VPS8: variants seen among roughly 807,000 people sequenced by gnomAD.
VPS8 encodes vacuolar protein sorting-associated protein 8 homolog.
In VPS8, 129 loss-of-function variants were observed where a neutral mutation model predicts 216.4. The observed-to-expected ratio is 0.60, with a 90% confidence interval of 0.52 to 0.69. VPS8 has a LOEUF of 0.69. Ranked by LOEUF, VPS8 falls within the 30% of genes least tolerant of loss-of-function variation. The pLI is 0.00. For missense variants in VPS8, 1,531 were observed against 1,683.5 expected, an observed-to-expected ratio of 0.91 and a Z score of 1.59; for synonymous variants, 571 against 565.4, an observed-to-expected ratio of 1.01 and a Z score of -0.14.
chr3:184,981,961 GT>G (rs11288170), intron 40 of VPS8, among the ~76,000 whole-genome samples: 134,624 of 151,508 alleles, frequency 0.89, 61,147 homozygotes, highest in Non-Finnish European at 0.98. Context: ...ATAAATGATA[GT>G]TTTTTTTTTA....
chr3:184,843,798 C>G (rs1379060421), intron 8 of VPS8, among the ~76,000 whole-genome samples: 1 of 152,184 alleles, frequency 6.6e-6, no homozygotes, highest in Admixed American at 6.5e-5. Context: ...AACAACAGCT[C>G]TTTCTTTTTC....
At chr3:184,853,819 T>C in intron 11 of VPS8, 38 bp from the exon 12 acceptor site, 7 of 1,550,756 alleles carry the variant, frequency 4.5e-6, no homozygotes, top group Non-Finnish European at 6.1e-6. Flanking sequence ...CTTGGATCAT[T>C]GCTAAATTGA....
intron 21 of VPS8, among the ~76,000 whole-genome samples, chr3:184,872,147 A>G (rs548205514): frequency 6.6e-6 from 1 of 152,302 alleles, no homozygotes; most frequent in South Asian, 2.1e-4. Flanking sequence ...TGCAGTATAG[A>G]TAGAAAACTT....
chr3:185,031,346 A>G (rs1758142266), intron 46 of VPS8, among the ~76,000 whole-genome samples: 1 of 152,204 alleles, frequency 6.6e-6, no homozygotes, highest in African/African-American at 2.4e-5. Flanking sequence ...CATAAACAAC[A>G]AAATGATAGC....
chr3:184,894,575 T>C (rs1733031370), intron 22 of VPS8, 128 bp from the exon 23 acceptor site: 2 of 640,794 alleles, frequency 3.1e-6, no homozygotes, highest in African/African-American at 1.9e-5. Flanking sequence ...TCTGTGAATA[T>C]TATTGCCATT....
intron 22 of VPS8, among the ~76,000 whole-genome samples, chr3:184,894,065 G>C (rs1023008072): frequency 3.3e-5 from 5 of 151,968 alleles, no homozygotes; most frequent in African/African-American, 1.2e-4. Flanking sequence ...AACAATTTTT[G>C]TTTCTGCAAT....
intron 4 of VPS8, among the ~76,000 whole-genome samples, chr3:184,834,018 T>C (rs1236709928): frequency 6.6e-6 from 1 of 152,186 alleles, no homozygotes; most frequent in Admixed American, 6.5e-5. Context: ...AAGTAGGTGC[T>C]CAGTAATGTT....
chr3:184,910,173 C>T (rs553044908), intron 25 of VPS8, among the ~76,000 whole-genome samples: 4 of 147,640 alleles, frequency 2.7e-5, no homozygotes, highest in Non-Finnish European at 4.4e-5. Flanking sequence ...CATTCTTTCG[C>T]CCAGGCCGTT....
At chr3:184,823,990 C>G (rs1718167286) in intron 1 of VPS8, among the ~76,000 whole-genome samples, 1 of 152,130 alleles carries the variant, frequency 6.6e-6, no homozygotes, top group Non-Finnish European at 1.5e-5. Flanking sequence ...ATCTTGGGGT[C>G]ATTGTTGTTT....
chr3:184,912,699 T>C (rs1736786594), intron 25 of VPS8, among the ~76,000 whole-genome samples: 1 of 152,244 alleles, frequency 6.6e-6, no homozygotes, highest in South Asian at 2.1e-4. Flanking sequence ...TAGTTATTCA[T>C]ACATTTGGAG....
At chr3:184,916,017 CCTT>C (rs1737504430) in intron 28 of VPS8, among the ~76,000 whole-genome samples, 1 of 152,014 alleles carries the variant, frequency 6.6e-6, no homozygotes, top group Non-Finnish European at 1.5e-5. Context: ...CTCCCTCTCT[CCTT>C]CTCTCTCTTC....
chr3:184,936,174 G>T, intron 34 of VPS8, 72 bp from the exon 35 acceptor site: 2 of 1,312,016 alleles, frequency 1.5e-6, no homozygotes, highest in South Asian at 2.6e-5. Context: ...GTAGGTAATC[G>T]TGCCTCACAT....
At chr3:184,868,130 T>C (rs1727705000) in intron 18 of VPS8, 71 bp downstream of exon 18, 1 of 1,509,026 alleles carries the variant, frequency 6.6e-7, no homozygotes, top group Non-Finnish European at 9.2e-7. Flanking sequence ...GTTTTGACTT[T>C]TCAGAAGAAG....
chr3:184,997,836 T>TA (rs1218005581), intron 44 of VPS8, among the ~76,000 whole-genome samples: 1 of 152,064 alleles, frequency 6.6e-6, no homozygotes, highest in Non-Finnish European at 1.5e-5. Flanking sequence ...GTTACATGAA[T>TA]AAAAAACAAG....
At chr3:184,936,561 G>GTGTGTGT (rs1741672503) in intron 35 of VPS8, among the ~76,000 whole-genome samples, 1 of 147,758 alleles carries the variant, frequency 6.8e-6, no homozygotes, top group African/African-American at 2.5e-5. Flanking sequence ...GTGTGTGTGT[G>GTGTGTGT]GTTGGGAGCA....
chr3:184,854,174 G>A lies in VPS8; in HGVS notation c.1035+1G>A, dbSNP rs1465689273. The A allele has an allele frequency of 2.5e-6, 4 of 1,613,548 alleles. No homozygotes were observed. Among genetic ancestry groups the A allele is most frequent in the African/African-American group, 2.7e-5 (2 of 74,892 alleles). On this transcript the variant is annotated splice_donor_variant, in intron 13 of 47. Transcript: ENST00000625842. LOFTEE classifies it high-confidence loss of function. ...ATGGATGACTTTTCCCTATGGCCGG[G>A]TGAGTACGTCCCTCCATCTTATTTG...
At chr3:184,956,834 A>T (rs1745687946) in intron 36 of VPS8, among the ~76,000 whole-genome samples, 1 of 152,216 alleles carries the variant, frequency 6.6e-6, no homozygotes, top group Non-Finnish European at 1.5e-5. Flanking sequence ...TAACCAAAAA[A>T]ATTAGTCCTC....
At chr3:184,935,262 A>C (rs1361107840) in intron 34 of VPS8, among the ~76,000 whole-genome samples, 1 of 152,210 alleles carries the variant, frequency 6.6e-6, no homozygotes, top group African/African-American at 2.4e-5. Context: ...AATTCTTGGC[A>C]TAAATTCATT....
At chr3:185,049,187 C>T (rs575777223) in intron 47 of VPS8, among the ~76,000 whole-genome samples, 1 of 152,238 alleles carries the variant, frequency 6.6e-6, no homozygotes, top group African/African-American at 2.4e-5. Flanking sequence ...ATTTTTATTC[C>T]AAAAGACCTT....
Sources: allele counts gnomAD v4.1 joint callset (sites outside exome capture counted in the v4.1 genomes callset), GRCh38; gene constraint gnomAD v4.1.1; transcripts MANE v1.5; gene names NCBI Gene and HGNC (gene_info 2026-07-23, HGNC 2026-07-21).